The following KLHDC10 variants were observed in gnomAD, a reference collection of about 807,000 sequenced individuals.
KLHDC10 encodes the protein kelch domain containing 10, also known as kelch domain-containing protein 10.
Under a neutral mutation model 56.1 loss-of-function variants are expected in KLHDC10, and 24 were observed. That is an observed-to-expected ratio of 0.43 (90% CI 0.31 to 0.60). The LOEUF is 0.60. Among genes scored for constraint, KLHDC10 ranks in the 20% least tolerant of loss-of-function variants. KLHDC10 has a pLI of 0.11. For synonymous variants in KLHDC10, 188 were observed against 207.1 expected, an observed-to-expected ratio of 0.91 and a Z score of 0.79; for missense variants, 349 against 567.0, an observed-to-expected ratio of 0.62 and a Z score of 3.91.
chr7:130,079,001 C>T (rs528278671), intron 1 of KLHDC10, among the ~76,000 whole-genome samples: 1 of 152,182 alleles, frequency 6.6e-6, no homozygotes, highest in African/African-American at 2.4e-5. Context: ...CATATTTTAT[C>T]ATGTTAAAGT....
intron 2 of KLHDC10, among the ~76,000 whole-genome samples, chr7:130,110,659 C>T (rs1476952249): frequency 1.3e-5 from 2 of 152,160 alleles, no homozygotes; most frequent in Non-Finnish European, 2.9e-5. Flanking sequence ...CTTCTAGGTC[C>T]AACAGAAGAC....
At chr7:130,129,674 C>A in intron 9 of KLHDC10, 98 bp downstream of exon 9, 1 of 1,078,830 alleles carries the variant, frequency 9.3e-7, no homozygotes, top group Admixed American at 2.6e-5. Context: ...ATAGGCAAAC[C>A]TTAGATGATT....
intron 5 of KLHDC10, among the ~76,000 whole-genome samples, chr7:130,123,439 CA>C (rs1484220050): frequency 2.0e-5 from 3 of 150,914 alleles, no homozygotes; most frequent in Non-Finnish European, 4.4e-5. Context: ...CATTGCGCTC[CA>C]GCCTGGGCGA....
At chr7:130,124,637 T>G (rs1796291451) in intron 6 of KLHDC10, 102 bp downstream of exon 6, 2 of 665,426 alleles carry the variant, frequency 3.0e-6, no homozygotes, top group South Asian at 2.0e-5. Context: ...TTTTAATTTT[T>G]GAGCACATTC....
At chr7:130,124,407 C>T in intron 5 of KLHDC10, 44 bp from the exon 6 acceptor site, 1 of 1,144,990 alleles carries the variant, frequency 8.7e-7, no homozygotes, top group Non-Finnish European at 1.3e-6. Flanking sequence ...TTAGATAGGT[C>T]ATTTTTCACT....
At chr7:130,072,498 C>T (rs75016097) in intron 1 of KLHDC10, among the ~76,000 whole-genome samples, 1 of 152,196 alleles carries the variant, frequency 6.6e-6, no homozygotes, top group Non-Finnish European at 1.5e-5. Context: ...CTTTTTTCTG[C>T]TTCCCTTTTC....
At chr7:130,121,972 T>A in intron 4 of KLHDC10, 82 bp from the exon 5 acceptor site, 1 of 1,205,026 alleles carries the variant, frequency 8.3e-7, no homozygotes, top group South Asian at 1.8e-5. Context: ...TCATAAAACC[T>A]GATTTGGAGG....
chr7:130,075,103 T>C (rs997285814), intron 1 of KLHDC10, among the ~76,000 whole-genome samples: 5 of 152,244 alleles, frequency 3.3e-5, no homozygotes, highest in African/African-American at 1.2e-4. Context: ...TAACTCATAA[T>C]TTCTATACAC....
intron 8 of KLHDC10, 46 bp from the exon 9 acceptor site, chr7:130,129,391 T>C (rs1007041186): frequency 6.2e-7 from 1 of 1,608,972 alleles, no homozygotes; most frequent in African/African-American, 1.3e-5. Context: ...TCCATAGCTT[T>C]GGCTCTTTTC....
At chr7:130,071,319 A>G (rs1795406836) in intron 1 of KLHDC10, among the ~76,000 whole-genome samples, 1 of 152,164 alleles carries the variant, frequency 6.6e-6, no homozygotes, top group Admixed American at 6.5e-5. Flanking sequence ...GTGTATGGGA[A>G]AGAGAACCTA....
chr7:130,080,125 A>T (rs1177831569), intron 1 of KLHDC10, among the ~76,000 whole-genome samples: 1 of 151,974 alleles, frequency 6.6e-6, no homozygotes, highest in African/African-American at 2.4e-5. Context: ...ATTTTTTTGT[A>T]GAGATAAGGC....
At chr7:130,104,673 G>C (rs1311132412) in intron 2 of KLHDC10, among the ~76,000 whole-genome samples, 2 of 152,148 alleles carry the variant, frequency 1.3e-5, no homozygotes, top group Non-Finnish European at 2.9e-5. Flanking sequence ...TTCTGGAGAG[G>C]CCTCAGAAAG....
chr7:130,100,322 C>T (rs995449638), intron 2 of KLHDC10, among the ~76,000 whole-genome samples: 1 of 152,126 alleles, frequency 6.6e-6, no homozygotes. Flanking sequence ...TGGCACCCTC[C>T]GTGTACCTAC....
intron 2 of KLHDC10, among the ~76,000 whole-genome samples, chr7:130,102,759 A>G (rs983897287): frequency 1.3e-5 from 2 of 152,028 alleles, no homozygotes; most frequent in Admixed American, 1.3e-4. Context: ...CTGGGAGGCA[A>G]AGGTTGCAGT....
intron 1 of KLHDC10, among the ~76,000 whole-genome samples, chr7:130,085,222 A>G (rs1795669109): frequency 6.6e-6 from 1 of 151,408 alleles, no homozygotes; most frequent in African/African-American, 2.4e-5. Context: ...AATTCCAGCT[A>G]CTAGGGAGGC....
At chr7:130,081,023 G>T (rs1227232800) in intron 1 of KLHDC10, among the ~76,000 whole-genome samples, 1 of 141,482 alleles carries the variant, frequency 7.1e-6, no homozygotes, top group African/African-American at 2.7e-5. Flanking sequence ...TTTTGAGACG[G>T]AGTCTCGCTC....
At chr7:130,072,491 T>C (rs1795431258) in intron 1 of KLHDC10, among the ~76,000 whole-genome samples, 1 of 152,202 alleles carries the variant, frequency 6.6e-6, no homozygotes, top group African/African-American at 2.4e-5. Flanking sequence ...TCAGTCTCTT[T>C]TTTCTGCTTC....
Position 130,128,887 on chromosome 7 carries a change from A to ATAT in KLHDC10, c.980-550_980-549insTAT, listed in dbSNP as rs1434178196. ...AGACCTTGTCTCTTAAAAAAAAAAA[A>ATAT]AAATATATATATATATATATATATA... On this transcript the variant is annotated intron_variant, in intron 8 of 9. Coordinates refer to ENST00000335420, the MANE Select transcript of KLHDC10 (RefSeq NM_014997.4). 2.2e-3 allele frequency among the ~76,000 whole-genome samples: 153 copies of ATAT among 68,176 alleles called. 1 individual carries two copies. The highest frequency in any genetic ancestry group is 7.7e-3 in the African/African-American group (113 of 14,688). The allele number at this position is 68,176 out of a possible 152,430, so 44.7% of individuals were successfully genotyped here. A position where few individuals can be genotyped will look rare whatever the true frequency, so the allele number is the denominator to read the frequency against.
rs1249373915 is a variant in KLHDC10 at position 130,097,504 on chromosome 7, CA to C, written c.253+500del. Among the ~76,000 whole-genome samples, 5 of 152,036 alleles carry C rather than the reference CA, an allele frequency of 3.3e-5. No individual in the cohort carries two copies. In the South Asian group the frequency reaches 1.0e-3, roughly 32 times the overall value. ...TTCTTATAAACCAATAGGTTAAAAACAAATGCCCACTAGAAAAATAGGTAAA... is the reference window on the plus strand; with the variant it reads ...TTCTTATAAACCAATAGGTTAAAAACAATGCCCACTAGAAAAATAGGTAAA... On this transcript the variant is annotated intron_variant, in intron 2 of 9. Coordinates refer to ENST00000335420, the MANE Select transcript of KLHDC10 (RefSeq NM_014997.4).
Sources: allele counts gnomAD v4.1 joint callset (sites outside exome capture counted in the v4.1 genomes callset), GRCh38; gene constraint gnomAD v4.1.1; transcripts MANE v1.5; gene names NCBI Gene and HGNC (gene_info 2026-07-23, HGNC 2026-07-21).